The following KANSL1L variants were observed in gnomAD, a reference collection of about 807,000 sequenced individuals.
The protein encoded by KANSL1L is KAT8 regulatory NSL complex subunit 1 like.
KANSL1L carries 25 observed loss-of-function variants against 108.6 expected under a neutral mutation model. The observed-to-expected ratio is 0.23, with a 90% confidence interval of 0.17 to 0.32. KANSL1L has a LOEUF of 0.32. KANSL1L is among the 10% of genes least tolerant of loss of function. The pLI, the probability that KANSL1L is intolerant of heterozygous loss-of-function variation, is 1.00. For missense variants in KANSL1L, 1,137 were observed against 1,125.7 expected, an observed-to-expected ratio of 1.01 and a Z score of -0.14; for synonymous variants, 405 against 395.1, an observed-to-expected ratio of 1.03 and a Z score of -0.30.
chr2:210,048,889 T>C (rs2094256366), intron 6 of KANSL1L, among the ~76,000 whole-genome samples: 1 of 152,170 alleles, frequency 6.6e-6, no homozygotes, highest in South Asian at 2.1e-4. Context: ...ACCCAATTCT[T>C]ATCTTCAAAA....
chr2:210,023,900 C>G, intron 14 of KANSL1L, 133 bp downstream of exon 14: 1 of 534,596 alleles, frequency 1.9e-6, no homozygotes, highest in Non-Finnish European at 3.2e-6. Flanking sequence ...TGCTGCAATA[C>G]AGATCTTCTA....
At chr2:210,146,266 C>A (rs747237593) in intron 2 of KANSL1L, among the ~76,000 whole-genome samples, 3 of 152,154 alleles carry the variant, frequency 2.0e-5, no homozygotes, top group Non-Finnish European at 4.4e-5. Context: ...GCTACAAATT[C>A]ATACTTAAAC....
At chr2:210,075,887 T>C (rs2094538694) in intron 5 of KANSL1L, 131 bp from the exon 6 acceptor site, 1 of 652,820 alleles carries the variant, frequency 1.5e-6, no homozygotes, top group Non-Finnish European at 2.6e-6. Context: ...TTTAACCAAT[T>C]TTGTGGTAAC....
intron 6 of KANSL1L, among the ~76,000 whole-genome samples, chr2:210,069,236 A>G (rs1377597263): frequency 6.6e-6 from 1 of 152,212 alleles, no homozygotes; most frequent in Non-Finnish European, 1.5e-5. Context: ...TCCAGTTTCT[A>G]ATAACGTGTC....
intron 1 of KANSL1L, among the ~76,000 whole-genome samples, chr2:210,156,107 T>C (rs1374141731): frequency 2.0e-5 from 3 of 152,098 alleles, no homozygotes; most frequent in African/African-American, 7.2e-5. Flanking sequence ...TTCCTACAAA[T>C]GAGCAAAAGA....
chr2:210,129,990 CAAAA>C (rs11439121), intron 2 of KANSL1L, among the ~76,000 whole-genome samples: 1 of 135,848 alleles, frequency 7.4e-6, no homozygotes. Flanking sequence ...ATGCAGATTG[CAAAA>C]AAAAAAAAAA....
chr2:210,136,819 C>A (rs200965564), intron 2 of KANSL1L, among the ~76,000 whole-genome samples: 28 of 152,152 alleles, frequency 1.8e-4, no homozygotes, highest in Non-Finnish European at 3.4e-4. Flanking sequence ...CTTTATTAAT[C>A]AAAAAAATGA....
At chr2:210,082,957 T>G (rs1416699288) in intron 5 of KANSL1L, among the ~76,000 whole-genome samples, 1 of 152,106 alleles carries the variant, frequency 6.6e-6, no homozygotes, top group Non-Finnish European at 1.5e-5. Flanking sequence ...ACCCAGAACC[T>G]CAGAATGTAA....
At position 210,098,124 on chromosome 2, in the gene KANSL1L, G is replaced by A. The variant is rs775563851; in HGVS notation, c.1512C>T (p.Ser504=). 1 of 1,611,118 alleles carries A rather than the reference G, an allele frequency of 6.2e-7. No individual in the cohort carries two copies. ...CATTAGCCAGACATTTATGGCTACA[G>A]GATTTGGAAGAGAGGGGTGATGAAG... ...SPTSSPLSSK[S]CSHKCLANGI... Residue 504 remains serine (S), a synonymous_variant, in exon 5 of 15, where the codon TCC becomes TCT. Coordinates refer to ENST00000281772, the MANE Select transcript of KANSL1L (RefSeq NM_152519.4).
At position 210,060,389 on chromosome 2, in the gene KANSL1L, T is replaced by C. The variant is rs76025072; in HGVS notation, c.1755+15163A>G. Among the ~76,000 whole-genome samples, 560 of 152,354 alleles carry C rather than the reference T, an allele frequency of 3.7e-3. 13 individuals carry two copies. The East Asian group carries it at 0.081, about 22-fold the overall frequency. On this transcript the variant is annotated intron_variant, in intron 6 of 14. Transcript: ENST00000281772. ...TAGTTCTGCCTTATTTCATAAAGGT[T>C]ATAATATTCATTATTAATGTTACTT...
At chr2:210,169,111 A>C (rs1393716786) in intron 1 of KANSL1L, among the ~76,000 whole-genome samples, 1 of 152,158 alleles carries the variant, frequency 6.6e-6, no homozygotes. Flanking sequence ...AAATCAATAC[A>C]ACATTCTGTA....
rs922429644 is a variant in KANSL1L, at chr2:210,036,784, T to C, written c.2029+3636A>G. ...TTATTTTATTTTTTTACAAACAGGG[T>C]CTCACTTTGTCACCCACCCTGAGGT... is the stretch of plus-strand genomic sequence containing the variant. On this transcript the variant is annotated intron_variant, in intron 8 of 14. Transcript: ENST00000281772. Among the ~76,000 whole-genome samples the C allele has an allele frequency of 2.6e-5, 4 of 152,138 alleles. No individual in the cohort carries two copies. The East Asian group carries it at 7.7e-4, about 29-fold the overall frequency.
rs1256958233 is a variant in KANSL1L, at chr2:210,075,684, C to T, written c.1623G>A (p.Lys541=). 6.2e-7 allele frequency: 1 copy of T among 1,613,910 alleles called. No homozygotes were observed. Residue 541 remains lysine (K), a synonymous_variant, in exon 6 of 15, where the codon AAG becomes AAA. Transcript: ENST00000281772. ...WLLNQKHSKK[K]RKDRTRLKSS... is the part of the protein sequence containing the mutation. Reference sequence around the variant, plus strand: ...ATTTCAGTCTTGTCCTGTCTTTTCTCTTTTTCTTACTGTGCTTCTGGTTAA... The same window carrying T: ...ATTTCAGTCTTGTCCTGTCTTTTCTTTTTTTCTTACTGTGCTTCTGGTTAA...
At chr2:210,050,893 A>G (rs1037621751) in intron 6 of KANSL1L, among the ~76,000 whole-genome samples, 2 of 151,852 alleles carry the variant, frequency 1.3e-5, no homozygotes, top group African/African-American at 4.8e-5. Context: ...ATAGGTGCAC[A>G]CCACCACACC....
In KANSL1L at chr2:210,044,755, G is replaced by A. The variant is rs571142256; in HGVS notation, c.1756-651C>T. On this transcript the variant is annotated intron_variant, in intron 6 of 14. Transcript: ENST00000281772. This position sits in a 1 kb window ranked among gnomAD's most constrained non-coding sequence, Gnocchi z 4.2. ...GTACTCTATTATAAAGTGACAAATT[G>A]CATTAACAGATTTTATTTTTTATTT... Among the ~76,000 whole-genome samples, 1 of 151,968 alleles carries A rather than the reference G, an allele frequency of 6.6e-6. No individual in the cohort carries two copies. Among genetic ancestry groups the A allele is most frequent in the East Asian group, 1.9e-4 (1 of 5,166 alleles).
At chr2:210,051,030 C>G (rs746762108) in intron 6 of KANSL1L, among the ~76,000 whole-genome samples, 7 of 152,096 alleles carry the variant, frequency 4.6e-5, no homozygotes, top group African/African-American at 7.2e-5. Context: ...AGCCCATACA[C>G]TCTTTTCAAG....
In KANSL1L at chr2:210,075,546, C is replaced by T; in HGVS notation, c.1755+6G>A. ...GATCATGTTTTCTTCCCAAAGGCAG[C>T]CTTACCTGTGGAGTCCAATAAAAAG... On this transcript the variant is annotated splice_donor_region_variant and intron_variant, in intron 6 of 14. Transcript: ENST00000281772. 6.3e-7 allele frequency: 1 copy of T among 1,599,056 alleles called. No homozygotes were observed. The highest frequency in any genetic ancestry group is 8.6e-7 in the Non-Finnish European group (1 of 1,166,834).
chr2:210,162,468 A>G (rs910436296), intron 1 of KANSL1L, among the ~76,000 whole-genome samples: 1 of 151,938 alleles, frequency 6.6e-6, no homozygotes, highest in African/African-American at 2.4e-5. Context: ...TCTGTTTTGG[A>G]TATGTTACTT....
In KANSL1L at chr2:210,028,831, G is replaced by GTT. The variant is rs776442122; in HGVS notation, c.2396+13_2396+14insAA. The GTT allele has an allele frequency of 1.1e-5, 17 of 1,526,238 alleles. No homozygotes were observed. The highest frequency in any genetic ancestry group is 1.5e-5 in the Non-Finnish European group (17 of 1,127,508). 94.5% of individuals were successfully genotyped at this position (1,526,238 alleles called of 1,614,324 possible). On this transcript the variant is annotated intron_variant, in intron 11 of 14. Transcript: ENST00000281772. Reference sequence around the variant, plus strand: ...AAGGAAGGAAGAAAAATATGAAGATGTAAGTATACATACCTTGGAGTAAGT... The same window carrying GTT: ...AAGGAAGGAAGAAAAATATGAAGATGTTTAAGTATACATACCTTGGAGTAAGT...
Sources: allele counts gnomAD v4.1 joint callset (sites outside exome capture counted in the v4.1 genomes callset), GRCh38; gene constraint gnomAD v4.1.1; non-coding constraint Gnocchi (gnomAD v3.1); transcripts MANE v1.5; gene names NCBI Gene and HGNC (gene_info 2026-07-23, HGNC 2026-07-21).